The following TEAD1 variants were observed in gnomAD, a reference collection of about 807,000 sequenced individuals.
TEAD1 encodes TEA domain transcription factor 1, also known as transcriptional enhancer factor TEF-1.
In TEAD1, 9 loss-of-function variants were observed where a neutral mutation model predicts 54.9. The ratio of observed to expected loss-of-function variants is 0.16; its 90% confidence interval spans 0.10 to 0.29. The LOEUF (loss-of-function observed/expected upper bound fraction) is 0.29. TEAD1 is among the 10% of genes least tolerant of loss of function. The probability of loss-of-function intolerance (pLI) is 1.00; values close to 1 mark genes in which losing one functional copy is unlikely to be tolerated. For missense variants in TEAD1, 387 were observed against 535.9 expected (o/e 0.72, Z 2.74); for synonymous variants, 200 against 187.8 (o/e 1.07, Z -0.53).
intron 2 of TEAD1, among the ~76,000 whole-genome samples, chr11:12,703,037 T>G (rs1943736043): frequency 6.6e-6 from 1 of 152,186 alleles, no homozygotes; most frequent in Admixed American, 6.5e-5. Flanking sequence ...TCCAGGTTAC[T>G]TGTTCTGAGC....
intron 3 of TEAD1, among the ~76,000 whole-genome samples, chr11:12,791,770 A>G (rs960764154): frequency 1.3e-5 from 2 of 152,212 alleles, no homozygotes; most frequent in African/African-American, 2.4e-5. Flanking sequence ...GAGTAGTGGG[A>G]AAATGCATCC....
intron 11 of TEAD1, 58 bp from the exon 12 acceptor site, chr11:12,930,116 G>A (rs1948988142): frequency 1.2e-6 from 2 of 1,605,708 alleles, no homozygotes; most frequent in Admixed American, 3.3e-5. Context: ...AGTAATATCT[G>A]TTTCATGTGT....
At chr11:12,926,599 A>G (rs1948906853) in intron 11 of TEAD1, among the ~76,000 whole-genome samples, 1 of 152,216 alleles carries the variant, frequency 6.6e-6, no homozygotes, top group Admixed American at 6.5e-5. Flanking sequence ...CTTGGATGAC[A>G]GGTAAAGACT....
chr11:12,830,838 A>G (rs1422066148), intron 3 of TEAD1, among the ~76,000 whole-genome samples: 3 of 152,142 alleles, frequency 2.0e-5, no homozygotes, highest in Non-Finnish European at 4.4e-5. Flanking sequence ...CAGTTTTTTA[A>G]AGGGAAAAAA....
intron 2 of TEAD1, among the ~76,000 whole-genome samples, chr11:12,684,697 C>G (rs184188169): frequency 6.6e-6 from 1 of 152,082 alleles, no homozygotes; most frequent in African/African-American, 2.4e-5. Context: ...AGTGCTGGCT[C>G]GGTAGGCTAG....
chr11:12,925,098 G>C (rs773531217), intron 11 of TEAD1, 46 bp downstream of exon 11: 3 of 1,609,448 alleles, frequency 1.9e-6, no homozygotes, highest in East Asian at 4.5e-5. Flanking sequence ...AGGGCAGACT[G>C]TTGCCTTCCT....
intron 2 of TEAD1, among the ~76,000 whole-genome samples, chr11:12,727,430 A>G (rs1304317737): frequency 2.0e-5 from 3 of 152,164 alleles, no homozygotes. Flanking sequence ...GGCGCTTCGC[A>G]TCTCTGAACC....
intron 2 of TEAD1, among the ~76,000 whole-genome samples, chr11:12,708,700 G>C (rs1209942374): frequency 6.6e-6 from 1 of 152,046 alleles, no homozygotes; most frequent in East Asian, 1.9e-4. Context: ...ATCACCTGGG[G>C]CTTTATTAAA....
intron 10 of TEAD1, among the ~76,000 whole-genome samples, chr11:12,903,699 C>T (rs1268945465): frequency 6.6e-6 from 1 of 152,184 alleles, no homozygotes. Flanking sequence ...GTAGTCTGAG[C>T]TACTCAGGAG....
At chr11:12,754,415 A>T (rs1032879779) in intron 2 of TEAD1, among the ~76,000 whole-genome samples, 4 of 152,236 alleles carry the variant, frequency 2.6e-5, no homozygotes, top group African/African-American at 9.6e-5. Flanking sequence ...CTGTATGCTC[A>T]GATCCATTAG....
At chr11:12,754,061 A>G (rs1590116905) in intron 2 of TEAD1, among the ~76,000 whole-genome samples, 1 of 152,254 alleles carries the variant, frequency 6.6e-6, no homozygotes, top group African/African-American at 2.4e-5. Flanking sequence ...GTTTGTTTCT[A>G]GATTCTCTAA....
chr11:12,889,879 A>G (rs1268713971), intron 9 of TEAD1, among the ~76,000 whole-genome samples: 1 of 151,760 alleles, frequency 6.6e-6, no homozygotes, highest in African/African-American at 2.4e-5. Flanking sequence ...GCACCACCAC[A>G]CCCAGCTGAT....
chr11:12,735,150 G>A (rs937088800), intron 2 of TEAD1, among the ~76,000 whole-genome samples: 3 of 152,194 alleles, frequency 2.0e-5, no homozygotes, highest in Admixed American at 6.5e-5. Context: ...CCTTTGGGAA[G>A]TCTGGCCCAG....
At chr11:12,905,891 A>G (rs185818155) in intron 10 of TEAD1, among the ~76,000 whole-genome samples, 68 of 152,290 alleles carry the variant, frequency 4.5e-4, no homozygotes, top group Middle Eastern at 3.4e-3. Flanking sequence ...GGGGTTTGCT[A>G]TGGAAGAATA....
intron 3 of TEAD1, among the ~76,000 whole-genome samples, chr11:12,840,246 C>CAAAAAAA (rs1176865272): frequency 0.022 from 700 of 31,342 alleles, 54 homozygotes; most frequent in South Asian, 0.054. Context: ...GACTCTGCCT[C>CAAAAAAA]AAAAAAAAAA....
At chr11:12,883,796 G>A (rs569020053) in intron 9 of TEAD1, among the ~76,000 whole-genome samples, 98 of 152,056 alleles carry the variant, frequency 6.4e-4, no homozygotes, top group African/African-American at 2.0e-3. Context: ...GGTGGATCAC[G>A]AGGTCAGGAG....
chr11:12,688,381 C>G (rs998421785), intron 2 of TEAD1, among the ~76,000 whole-genome samples: 4 of 152,204 alleles, frequency 2.6e-5, no homozygotes, highest in African/African-American at 7.2e-5. Context: ...CTGGTTGATA[C>G]AATCTTTTCC....
intron 5 of TEAD1, 49 bp from the exon 6 acceptor site, chr11:12,879,659 G>T: frequency 6.2e-7 from 1 of 1,613,440 alleles, no homozygotes; most frequent in Non-Finnish European, 8.5e-7. Flanking sequence ...TAACCTGCCT[G>T]GTAGCCATGC....
intron 10 of TEAD1, among the ~76,000 whole-genome samples, chr11:12,917,398 C>A (rs1395739364): frequency 6.6e-6 from 1 of 152,188 alleles, no homozygotes; most frequent in African/African-American, 2.4e-5. Flanking sequence ...AATTAAATTT[C>A]TGACCTACAG....
Sources: gnomAD v4.1 joint callset for allele counts (sites outside exome capture counted in the v4.1 genomes callset) on GRCh38, gnomAD v4.1.1 for gene constraint, MANE v1.5 for transcripts, NCBI Gene and HGNC (gene_info 2026-07-23, HGNC 2026-07-21) for gene names.